The following NCALD variants were observed in gnomAD, a reference collection of about 807,000 sequenced individuals.
NCALD encodes the protein neurocalcin-delta.
A neutral mutation model predicts 18.6 loss-of-function variants in NCALD; 10 were observed. The ratio of observed to expected loss-of-function variants is 0.54; its 90% confidence interval spans 0.33 to 0.91. The LOEUF (loss-of-function observed/expected upper bound fraction) is 0.91, where lower values mean the gene tolerates loss of function less well. Ranked by LOEUF, NCALD falls within the 40% of genes least tolerant of loss-of-function variation. NCALD has a pLI of 0.03. For missense variants in NCALD, 184 were observed against 247.6 expected (o/e 0.74, Z 1.72); for synonymous variants, 88 against 87.4 (o/e 1.01, Z -0.04).
chr8:101,827,901 C>A (rs373103638), intron 4 of NCALD, among the ~76,000 whole-genome samples: 1 of 152,162 alleles, frequency 6.6e-6, no homozygotes, highest in South Asian at 2.1e-4. Context: ...CTATACCACC[C>A]TCAAAATGGA....
At chr8:101,890,989 T>G (rs1186576282) in intron 3 of NCALD, among the ~76,000 whole-genome samples, 1 of 152,206 alleles carries the variant, frequency 6.6e-6, no homozygotes, top group African/African-American at 2.4e-5. Flanking sequence ...CACAGCAGCA[T>G]GCAATAGCTT....
intron 2 of NCALD, among the ~76,000 whole-genome samples, chr8:101,703,300 T>C (rs1286321563): frequency 6.6e-6 from 1 of 152,242 alleles, no homozygotes; most frequent in Non-Finnish European, 1.5e-5. Flanking sequence ...ACACTTACTT[T>C]ATTCAACAAA....
intron 1 of NCALD, among the ~76,000 whole-genome samples, chr8:101,767,553 C>A (rs1319317698): frequency 1.3e-5 from 2 of 152,172 alleles, no homozygotes; most frequent in Non-Finnish European, 2.9e-5. Context: ...GATAAGGTGT[C>A]AGCCCTAACC....
At chr8:101,690,960 T>C (rs1814700156) in intron 3 of NCALD, 1 of 985,346 alleles carries the variant, frequency 1.0e-6, no homozygotes, top group African/African-American at 1.7e-5. Context: ...CTTAACTGTC[T>C]GCATGATTCA....
chr8:102,061,493 A>G (rs77375104), intron 1 of NCALD, among the ~76,000 whole-genome samples: 9,114 of 152,076 alleles, frequency 0.06, 640 homozygotes, highest in African/African-American at 0.17. Context: ...GGCCTAGACA[A>G]CTCCTTCAAG....
intron 2 of NCALD, among the ~76,000 whole-genome samples, chr8:101,951,999 C>T (rs1819443498): frequency 6.6e-6 from 1 of 152,200 alleles, no homozygotes; most frequent in African/African-American, 2.4e-5. Flanking sequence ...GTTTAAACAC[C>T]TTATTTCTCT....
At chr8:101,973,483 C>T (rs2131904876) in intron 2 of NCALD, among the ~76,000 whole-genome samples, 1 of 152,240 alleles carries the variant, frequency 6.6e-6, no homozygotes, top group Admixed American at 6.5e-5. Flanking sequence ...TGCATATTCC[C>T]CAGGATAATT....
intron 1 of NCALD, among the ~76,000 whole-genome samples, chr8:102,104,821 G>A (rs1371353374): frequency 1.3e-5 from 2 of 152,192 alleles, no homozygotes; most frequent in Admixed American, 1.3e-4. Flanking sequence ...CCTTCCCAGG[G>A]ATGGACAATG....
intron 2 of NCALD, among the ~76,000 whole-genome samples, chr8:101,713,570 T>A (rs955888980): frequency 6.6e-6 from 1 of 152,004 alleles, no homozygotes; most frequent in African/African-American, 2.4e-5. Flanking sequence ...AAGAATCTAA[T>A]TGACACAATA....
At chr8:101,729,188 T>C (rs1468112908) in intron 1 of NCALD, among the ~76,000 whole-genome samples, 2 of 152,194 alleles carry the variant, frequency 1.3e-5, no homozygotes, top group African/African-American at 4.8e-5. Flanking sequence ...TTTTCTTCAA[T>C]GGAACCAGTG....
chr8:101,701,294 C>A (rs1202920538), intron 2 of NCALD, among the ~76,000 whole-genome samples: 1 of 152,260 alleles, frequency 6.6e-6, no homozygotes, highest in Non-Finnish European at 1.5e-5. Context: ...AGTCCCCACC[C>A]CTTCTACATT....
chr8:102,054,253 G>A (rs545560703), intron 1 of NCALD, among the ~76,000 whole-genome samples: 8 of 152,160 alleles, frequency 5.3e-5, no homozygotes, highest in East Asian at 3.9e-4. Context: ...TCAACTTGAC[G>A]AAGCCACCAT....
intron 4 of NCALD, among the ~76,000 whole-genome samples, chr8:101,883,562 C>T (rs755895789): frequency 4.6e-5 from 7 of 152,170 alleles, no homozygotes; most frequent in Non-Finnish European, 1.0e-4. Flanking sequence ...GTTTCCCTCT[C>T]GTTTTCCTCT....
intron 1 of NCALD, among the ~76,000 whole-genome samples, chr8:102,094,924 T>C (rs780749852): frequency 8.5e-5 from 13 of 152,214 alleles, no homozygotes; most frequent in Non-Finnish European, 1.5e-4. Context: ...GAGTCTCCCC[T>C]AGAGCCATTG....
chr8:101,699,203 T>A (rs7814988), intron 2 of NCALD, among the ~76,000 whole-genome samples: 150,227 of 152,356 alleles, frequency 0.99, 74,140 homozygotes, highest in Middle Eastern at 1. Flanking sequence ...AATCAAAACC[T>A]CAATGAGATA....
chr8:101,944,251 G>A (rs143090449), intron 2 of NCALD, among the ~76,000 whole-genome samples: 291 of 152,284 alleles, frequency 1.9e-3, no homozygotes, highest in Middle Eastern at 3.4e-3. Flanking sequence ...TAGCTAACTG[G>A]ACCAAAGACA....
intron 4 of NCALD, among the ~76,000 whole-genome samples, chr8:101,829,749 T>C (rs979206754): frequency 2.0e-5 from 3 of 152,184 alleles, no homozygotes; most frequent in Admixed American, 1.3e-4. Context: ...AACTGAAACA[T>C]TGACAAGTAT....
chr8:101,879,299 G>A (rs569789021), intron 4 of NCALD, among the ~76,000 whole-genome samples: 3 of 152,248 alleles, frequency 2.0e-5, no homozygotes, highest in Non-Finnish European at 2.9e-5. Context: ...GTTCAGACGT[G>A]TTCAGAGTTT....
Position 102,081,545 on chromosome 8 carries a change from TAAAAAAAAAA to T in NCALD, c.-210+42682_-210+42691del, listed in dbSNP as rs770307937. On this transcript the variant is annotated intron_variant, in intron 1 of 6. Transcript: ENST00000311028. The stretch of plus-strand genomic sequence containing the variant: ...AAGTCAAGGAGAATTCAAATAATGG[TAAAAAAAAAA>T]AAAAAAAAAAAAAAAAAAAAACCCC... Among the ~76,000 whole-genome samples the T allele has an allele frequency of 4.4e-3, 301 of 68,704 alleles. 2 individuals carry two copies. Among genetic ancestry groups the T allele is most frequent in the Non-Finnish European group, 6.1e-3 (240 of 39,644 alleles). 45.1% of individuals were successfully genotyped at this position (68,704 alleles called of 152,430 possible).
Sources: allele counts gnomAD v4.1 joint callset (sites outside exome capture counted in the v4.1 genomes callset), GRCh38; gene constraint gnomAD v4.1.1; transcripts MANE v1.5; gene names NCBI Gene and HGNC (gene_info 2026-07-23, HGNC 2026-07-21).